The following MAK variants were observed in gnomAD, a reference collection of about 807,000 sequenced individuals.
MAK encodes serine/threonine-protein kinase MAK.
MAK carries 65 observed loss-of-function variants against 82.6 expected under a neutral mutation model. That is an observed-to-expected ratio of 0.79 (90% confidence interval 0.64 to 0.97). The LOEUF (loss-of-function observed/expected upper bound fraction) is 0.97, where lower values mean the gene tolerates loss of function less well. Ranked by LOEUF, MAK falls within the 50% of genes least tolerant of loss-of-function variation. The pLI is 0.00. For missense variants in MAK, 703 were observed against 780.2 expected (o/e 0.90, Z 1.18); for synonymous variants, 250 against 274.2 (o/e 0.91, Z 0.87).
chr6:10,821,833 GA>G (rs1777958540), intron 2 of MAK, among the ~76,000 whole-genome samples: 1 of 150,544 alleles, frequency 6.6e-6, no homozygotes, highest in Admixed American at 6.6e-5. Context: ...GCAACACAGG[GA>G]GACTTTGTCT....
chr6:10,828,953 G>A (rs1021703397), intron 2 of MAK: 3 of 152,272 alleles, frequency 2.0e-5, no homozygotes, highest in Non-Finnish European at 2.9e-5. Flanking sequence ...CCAGAACTGT[G>A]AGGAAATAAA....
chr6:10,798,970 C>T (rs1041388574), intron 8 of MAK, among the ~76,000 whole-genome samples: 2 of 151,992 alleles, frequency 1.3e-5, no homozygotes, highest in African/African-American at 4.8e-5. Context: ...GCTGAGATTA[C>T]AGGTGTGTGT....
chr6:10,827,419 T>C (rs1210299714), intron 2 of MAK, among the ~76,000 whole-genome samples: 1 of 152,196 alleles, frequency 6.6e-6, no homozygotes, highest in Non-Finnish European at 1.5e-5. Flanking sequence ...ATGTGGGCTA[T>C]TTCAGCTCAT....
At chr6:10,795,032 T>A (rs1461188287) in intron 9 of MAK, among the ~76,000 whole-genome samples, 2 of 151,596 alleles carry the variant, frequency 1.3e-5, no homozygotes, top group Non-Finnish European at 2.9e-5. Context: ...AAACCCATTC[T>A]CTCCATGTTC....
intron 8 of MAK, among the ~76,000 whole-genome samples, chr6:10,798,364 T>C (rs1241910993): frequency 6.6e-6 from 1 of 152,052 alleles, no homozygotes; most frequent in East Asian, 1.9e-4. Context: ...CCGCCCACCT[T>C]GGCCTCTCAA....
chr6:10,816,381 A>C (rs1272972904), intron 4 of MAK, among the ~76,000 whole-genome samples: 2 of 152,074 alleles, frequency 1.3e-5, no homozygotes, highest in Non-Finnish European at 2.9e-5. Flanking sequence ...AGATTTATAT[A>C]TATTTCAAAA....
intron 10 of MAK, 102 bp from the exon 11 acceptor site, chr6:10,784,674 T>A (rs1774359536): frequency 8.6e-6 from 9 of 1,048,550 alleles, no homozygotes; most frequent in Non-Finnish European, 1.3e-5. Context: ...CCTAAGCCAG[T>A]CAATCTGACC....
chr6:10,811,323 T>A (rs549349840), intron 5 of MAK, among the ~76,000 whole-genome samples: 1 of 152,384 alleles, frequency 6.6e-6, no homozygotes, highest in South Asian at 2.1e-4. Flanking sequence ...AAATATCTAT[T>A]TCTTGAAGTA....
At chr6:10,818,493 A>T (rs1777663689) in intron 3 of MAK, among the ~76,000 whole-genome samples, 1 of 152,048 alleles carries the variant, frequency 6.6e-6, no homozygotes, top group African/African-American at 2.4e-5. Context: ...ACACACCTGT[A>T]GTCCCAGCTA....
Position 10,803,787 on chromosome 6 carries a change from A to C in MAK, c.596T>G (p.Leu199Arg). 6.2e-7 allele frequency: 1 copy of C among 1,614,112 alleles called. No homozygotes were observed. The highest frequency in any genetic ancestry group is 8.5e-7 in the Non-Finnish European group (1 of 1,180,006). ...IMAELYMLRP[L>R]FPGTSEVDEI... ...ATCGACCTCACTTGTCCCTGGGAAA[A>C]GTGGCCTTAACATATAGAGTTCAGC... is the stretch of plus-strand genomic sequence containing the variant. The change falls in exon 7 of 15, where the codon CTT becomes CGT. Residue 199 changes from leucine to arginine, a missense_variant. By Grantham distance (102) the Leu-to-Arg change is moderately radical. Transcript: ENST00000354489.
At chr6:10,772,361 T>C (rs1005007000) in intron 13 of MAK, among the ~76,000 whole-genome samples, 2 of 151,994 alleles carry the variant, frequency 1.3e-5, no homozygotes, top group Admixed American at 1.3e-4. Context: ...ATTTATTTAT[T>C]TGAGATGGAG....
chr6:10,807,216 C>T (rs1776542740), intron 6 of MAK, among the ~76,000 whole-genome samples: 1 of 152,054 alleles, frequency 6.6e-6, no homozygotes, highest in African/African-American at 2.4e-5. Flanking sequence ...ATCAGGGCTA[C>T]TCTCAGTCAG....
intron 11 of MAK, among the ~76,000 whole-genome samples, chr6:10,781,292 T>C (rs985415775): frequency 1.1e-4 from 17 of 152,298 alleles, no homozygotes; most frequent in African/African-American, 3.8e-4. Context: ...GAATAACTTA[T>C]TTTCTCTCAC....
At chr6:10,770,299 T>C in intron 13 of MAK, 69 bp from the exon 14 acceptor site, 1 of 1,535,898 alleles carries the variant, frequency 6.5e-7, no homozygotes, top group East Asian at 2.2e-5. Context: ...TAACATTGAA[T>C]ACTACCCCAT....
chr6:10,810,453 C>G (rs1171541684), intron 5 of MAK, among the ~76,000 whole-genome samples: 1 of 150,886 alleles, frequency 6.6e-6, no homozygotes, highest in African/African-American at 2.4e-5. Context: ...GATTCTCCTG[C>G]CTCAGCCTCT....
chr6:10,817,974 G>A lies in MAK; in HGVS notation c.157-3C>T. On this transcript the variant is annotated splice_polypyrimidine_tract_variant and splice_region_variant and intron_variant, in intron 3 of 14. Coordinates refer to ENST00000354489, the MANE Select transcript of MAK (RefSeq NM_001242957.3). Reference sequence around the variant, plus strand: ...GCATGATTAAGTTTCTTCAGAGACTGAAAAATAACAAATATGCCTTAAAAT... The same window carrying A: ...GCATGATTAAGTTTCTTCAGAGACTAAAAAATAACAAATATGCCTTAAAAT... The A allele has an allele frequency of 7.0e-7, 1 of 1,433,788 alleles. No individual in the cohort carries two copies. The highest frequency in any genetic ancestry group is 9.6e-7 in the Non-Finnish European group (1 of 1,043,812). The allele number at this position is 1,433,788 out of a possible 1,614,324, so 88.8% of individuals were successfully genotyped here.
intron 6 of MAK, among the ~76,000 whole-genome samples, chr6:10,808,319 CATT>C (rs1776658111): frequency 1.3e-5 from 2 of 152,194 alleles, no homozygotes; most frequent in Non-Finnish European, 2.9e-5. Flanking sequence ...CCTTCGTTCT[CATT>C]GTTGCAAAGC....
At chr6:10,837,528 G>C (rs1428815670) in intron 1 of MAK, among the ~76,000 whole-genome samples, 2 of 152,212 alleles carry the variant, frequency 1.3e-5, no homozygotes, top group African/African-American at 4.8e-5. Context: ...CGATCGAAAA[G>C]CTGGAAAGTC....
chr6:10,791,097 A>C (rs182761462), intron 10 of MAK, among the ~76,000 whole-genome samples: 2 of 152,056 alleles, frequency 1.3e-5, no homozygotes, highest in African/African-American at 4.8e-5. Flanking sequence ...CACATTCTTT[A>C]TAGCAATGTA....
Sources: allele counts gnomAD v4.1 joint callset (sites outside exome capture counted in the v4.1 genomes callset), GRCh38; gene constraint gnomAD v4.1.1; transcripts MANE v1.5; gene names NCBI Gene and HGNC (gene_info 2026-07-23, HGNC 2026-07-21).